MITF: variants seen among roughly 807,000 people sequenced by gnomAD.
The protein encoded by MITF is microphthalmia-associated transcription factor.
In MITF, 17 loss-of-function variants were observed where a neutral mutation model predicts 60.5. That is an observed-to-expected ratio of 0.28 (90% confidence interval 0.19 to 0.42). The LOEUF (loss-of-function observed/expected upper bound fraction) is 0.42. MITF is among the 10% of genes least tolerant of loss of function. The pLI, the probability that MITF is intolerant of heterozygous loss-of-function variation, is 1.00. For missense variants in MITF, 622 were observed against 683.5 expected (o/e 0.91, Z 1.00); for synonymous variants, 260 against 248.5 (o/e 1.05, Z -0.43).
At chr3:69,949,533 G>C (rs1055194796) in intron 6 of MITF, among the ~76,000 whole-genome samples, 2 of 152,072 alleles carry the variant, frequency 1.3e-5, no homozygotes, top group African/African-American at 2.4e-5. Flanking sequence ...CAAGCCCCTA[G>C]AGGCATTTGC....
intron 1 of MITF, among the ~76,000 whole-genome samples, chr3:69,789,039 G>T (rs547586562): frequency 7.2e-5 from 11 of 152,106 alleles, no homozygotes; most frequent in Non-Finnish European, 1.5e-4. Flanking sequence ...ACTTAGCAAT[G>T]ATTTATTGTA....
chr3:69,942,605 C>A (rs2065994951), intron 5 of MITF, among the ~76,000 whole-genome samples: 1 of 152,012 alleles, frequency 6.6e-6, no homozygotes, highest in Non-Finnish European at 1.5e-5. Flanking sequence ...TTTAAACCCA[C>A]CCCCTGATTT....
rs199805128 is a variant in MITF, at chr3:69,941,250, C to A, written c.681C>A (p.Ile227=). ...TTTTCCTACAGATGGATGATGTAATCGATGACATCATTAGCCTAGAATCAA... is the reference window on the plus strand; with the variant it reads ...TTTTCCTACAGATGGATGATGTAATAGATGACATCATTAGCCTAGAATCAA... ...RASCMQMDDV[I]DDIISLESSY... is the part of the protein sequence containing the mutation. The change falls in exon 5 of 10, where the codon ATC becomes ATA. Residue 227 remains isoleucine (I), a synonymous_variant. Transcript: ENST00000352241. 5.6e-6 allele frequency: 9 copies of A among 1,609,846 alleles called. No individual in the cohort carries two copies. Among genetic ancestry groups the A allele is most frequent in the Non-Finnish European group, 6.8e-6 (8 of 1,176,702 alleles).
rs550875238 is a variant in MITF, at chr3:69,891,568, G to T, written c.354+12185G>T. On this transcript the variant is annotated intron_variant, in intron 2 of 9. Transcript: ENST00000352241. Reference sequence around the variant, plus strand: ...CTGTGTTTTAACCAGCCTTCTGAAAGATTCTAAAGTATGCTCATGTTTGAG... The same window carrying T: ...CTGTGTTTTAACCAGCCTTCTGAAATATTCTAAAGTATGCTCATGTTTGAG... Among the ~76,000 whole-genome samples, 3 of 152,304 alleles carry T rather than the reference G, an allele frequency of 2.0e-5. 1 individual carries two copies. Among genetic ancestry groups the T allele is most frequent in the African/African-American group, 7.2e-5 (3 of 41,566 alleles).
chr3:69,923,764 A>G (rs960292527), intron 2 of MITF, among the ~76,000 whole-genome samples: 1 of 152,220 alleles, frequency 6.6e-6, no homozygotes, highest in African/African-American at 2.4e-5. Context: ...CATTATTTTT[A>G]TCACACAAAT....
In MITF at chr3:69,764,130, T is replaced by C. The variant is rs1039548377; in HGVS notation, c.104+24429T>C. Among the ~76,000 whole-genome samples, 3 of 152,248 alleles carry C rather than the reference T, an allele frequency of 2.0e-5. 1 individual carries two copies. The highest frequency in any genetic ancestry group is 1.3e-4 in the Admixed American group (2 of 15,284). ...GTGAACATTTTTTCAGAAGTTCCAC[T>C]GGATCATTTGATTAGGTTTGGAGTG... is the stretch of plus-strand genomic sequence containing the variant. On this transcript the variant is annotated intron_variant, in intron 1 of 9. Transcript: ENST00000352241.
At chr3:69,811,592 C>T (rs887056931) in intron 1 of MITF, among the ~76,000 whole-genome samples, 7 of 152,194 alleles carry the variant, frequency 4.6e-5, no homozygotes, top group Admixed American at 4.6e-4. Context: ...CCTGCTGCCT[C>T]GTTCCCTTCC....
At position 69,965,829 on chromosome 3, in the gene MITF, G is replaced by T. The variant is rs930647904; in HGVS notation, c.*581G>T. 4.4e-6 allele frequency: 1 copy of T among 228,708 alleles called. No individual in the cohort carries two copies. Among genetic ancestry groups the T allele is most frequent in the South Asian group, 1.8e-4 (1 of 5,484 alleles). The allele number at this position is 228,708 out of a possible 1,614,324, so 14.2% of individuals were successfully genotyped here. On this transcript the variant is annotated 3_prime_UTR_variant, in exon 10 of 10. Coordinates refer to ENST00000352241, the MANE Select transcript of MITF (RefSeq NM_001354604.2). Reference sequence around the variant, plus strand: ...TTCTGTAAAAGAAAAAAAAAATGCGGCCTTTTCATGAGGATCGTCTGGTTA... The same window carrying T: ...TTCTGTAAAAGAAAAAAAAAATGCGTCCTTTTCATGAGGATCGTCTGGTTA...
intron 2 of MITF, among the ~76,000 whole-genome samples, chr3:69,911,908 C>T (rs546510236): frequency 2.0e-5 from 3 of 152,268 alleles, no homozygotes; most frequent in Non-Finnish European, 2.9e-5. Context: ...TTTAATGATT[C>T]CACCTCAGGG....
At chr3:69,807,588 C>T (rs1171426936) in intron 1 of MITF, among the ~76,000 whole-genome samples, 4 of 152,216 alleles carry the variant, frequency 2.6e-5, no homozygotes, top group East Asian at 3.8e-4. Flanking sequence ...TGCTTGTCTA[C>T]AACAACATGC....
At chr3:69,926,265 G>C (rs1351095329) in intron 2 of MITF, among the ~76,000 whole-genome samples, 1 of 152,106 alleles carries the variant, frequency 6.6e-6, no homozygotes, top group Non-Finnish European at 1.5e-5. Flanking sequence ...AAACCAGAAG[G>C]ACCCTCAGTC....
At chr3:69,758,770 G>A (rs2062168115) in intron 1 of MITF, 1 of 207,320 alleles carries the variant, frequency 4.8e-6, no homozygotes, top group Non-Finnish European at 9.8e-6. Flanking sequence ...AGTAAATTTT[G>A]GAAACTTTGC....
At chr3:69,916,467 C>G (rs1024422180) in intron 2 of MITF, among the ~76,000 whole-genome samples, 9 of 152,098 alleles carry the variant, frequency 5.9e-5, no homozygotes, top group Non-Finnish European at 7.4e-5. Context: ...CCTTAATTGA[C>G]TTAAACACAA....
intron 1 of MITF, among the ~76,000 whole-genome samples, chr3:69,867,344 A>C (rs1297033112): frequency 6.6e-6 from 1 of 152,194 alleles, no homozygotes; most frequent in Non-Finnish European, 1.5e-5. Flanking sequence ...TATAAATATA[A>C]TTACCATAAG....
At chr3:69,758,083 TATATAA>T (rs1409817144) in intron 1 of MITF, among the ~76,000 whole-genome samples, 3 of 144,258 alleles carry the variant, frequency 2.1e-5, no homozygotes, top group African/African-American at 7.7e-5. Flanking sequence ...ATAAAGTATA[TATATAA>T]ATATATATAT....
intron 1 of MITF, among the ~76,000 whole-genome samples, chr3:69,844,145 G>C (rs1300085300): frequency 1.3e-5 from 2 of 152,094 alleles, no homozygotes; most frequent in Non-Finnish European, 2.9e-5. Context: ...GTCTATTATT[G>C]ATGGACATTT....
At chr3:69,743,525 T>G (rs954685583) in intron 1 of MITF, among the ~76,000 whole-genome samples, 31 of 152,210 alleles carry the variant, frequency 2.0e-4, no homozygotes, top group African/African-American at 7.0e-4. Flanking sequence ...ATCCTTGCCT[T>G]TAGGAATCTG....
intron 1 of MITF, among the ~76,000 whole-genome samples, chr3:69,817,328 T>A (rs2063196977): frequency 6.6e-6 from 1 of 152,164 alleles, no homozygotes; most frequent in South Asian, 2.1e-4. Flanking sequence ...ATAAGTCTAA[T>A]CTGTTAACAT....
intron 1 of MITF, among the ~76,000 whole-genome samples, chr3:69,865,475 G>T (rs1016908944): frequency 2.6e-5 from 4 of 152,180 alleles, no homozygotes; most frequent in Admixed American, 6.5e-5. Context: ...TGTCATGTCT[G>T]CATTTTAAAG....
Sources: gnomAD v4.1 joint callset for allele counts (sites outside exome capture counted in the v4.1 genomes callset) on GRCh38, gnomAD v4.1.1 for gene constraint, MANE v1.5 for transcripts, NCBI Gene and HGNC (gene_info 2026-07-23, HGNC 2026-07-21) for gene names.